The following FERMT1 variants were observed in gnomAD, a reference collection of about 807,000 sequenced individuals.
The protein encoded by FERMT1 is FERM domain containing kindlin 1, also known as fermitin family homolog 1.
In FERMT1, 60 loss-of-function variants were observed where a neutral mutation model predicts 85.3. The observed-to-expected ratio is 0.70, with a 90% CI of 0.57 to 0.87. FERMT1 has a LOEUF of 0.87. Among genes scored for constraint, FERMT1 ranks in the 40% least tolerant of loss-of-function variants. The pLI, the probability that FERMT1 is intolerant of heterozygous loss-of-function variation, is 0.00. For synonymous variants in FERMT1, 275 were observed against 301.1 expected (o/e 0.91, Z 0.90); for missense variants, 701 against 818.9 (o/e 0.86, Z 1.76).
chr20:6,106,363 A>G (rs1401743232), intron 6 of FERMT1, among the ~76,000 whole-genome samples: 1 of 152,212 alleles, frequency 6.6e-6, no homozygotes, highest in African/African-American at 2.4e-5. Context: ...ACCTAAAGTC[A>G]GGACCAAGAA....
chr20:6,093,682 C>T (rs754964133), intron 9 of FERMT1, among the ~76,000 whole-genome samples: 3 of 152,314 alleles, frequency 2.0e-5, no homozygotes, highest in South Asian at 2.1e-4. Context: ...CCTGACCGGG[C>T]GTGGTGGCTC....
intron 8 of FERMT1, 98 bp downstream of exon 8, chr20:6,096,804 A>AAAAAAAG: frequency 1.0e-6 from 1 of 1,002,478 alleles, no homozygotes; most frequent in Non-Finnish European, 1.4e-6. Flanking sequence ...TTTTTTTTCA[A>AAAAAAAG]AATCAGATGA....
chr20:6,097,668 A>G (rs1300859152), intron 6 of FERMT1, 37 bp from the exon 7 acceptor site: 5 of 1,318,170 alleles, frequency 3.8e-6, no homozygotes, highest in Non-Finnish European at 5.5e-6. Flanking sequence ...GTAATGAGGT[A>G]TATTTATATC....
intron 12 of FERMT1, among the ~76,000 whole-genome samples, 169 bp from the exon 13 acceptor site, chr20:6,084,333 C>T (rs973762042): frequency 2.0e-5 from 3 of 152,196 alleles, no homozygotes; most frequent in African/African-American, 4.8e-5. Flanking sequence ...CAAGATACAA[C>T]AATCACTGGA....
At chr20:6,089,119 A>C in intron 9 of FERMT1, 30 bp from the exon 10 acceptor site, 1 of 1,605,038 alleles carries the variant, frequency 6.2e-7, no homozygotes, top group Non-Finnish European at 8.5e-7. Context: ...GAATGTTTAA[A>C]CCACCACCCA....
chr20:6,084,192 T>C lies in FERMT1; in HGVS notation c.1594-28A>G, dbSNP rs2232077. 0.68 allele frequency: 1,088,834 copies of C among 1,596,182 alleles called. 374,388 individuals are homozygous for C. Among genetic ancestry groups the C allele is most frequent in the East Asian group, 0.85 (37,555 of 44,178 alleles). ...GAACAGAAACAGACATCAACCTCTC[T>C]TCACATGCACCGGCTGCTCTGTGAT... On this transcript the variant is annotated intron_variant, in intron 12 of 14. Coordinates refer to ENST00000217289, the MANE Select transcript of FERMT1 (RefSeq NM_017671.5).
At chr20:6,101,696 A>G (rs1982662604) in intron 6 of FERMT1, among the ~76,000 whole-genome samples, 1 of 152,196 alleles carries the variant, frequency 6.6e-6, no homozygotes, top group Non-Finnish European at 1.5e-5. Flanking sequence ...TCTGTTGCCC[A>G]GGCTGGAGTG....
intron 6 of FERMT1, among the ~76,000 whole-genome samples, chr20:6,106,577 G>A (rs1396989949): frequency 6.6e-6 from 1 of 152,136 alleles, no homozygotes; most frequent in South Asian, 2.1e-4. Flanking sequence ...GTCGACACTG[G>A]GCCATTGTAC....
At chr20:6,102,538 G>A (rs1261599590) in intron 6 of FERMT1, among the ~76,000 whole-genome samples, 6 of 151,522 alleles carry the variant, frequency 4.0e-5, no homozygotes, top group African/African-American at 9.7e-5. Context: ...TTAGCTGGGC[G>A]TGGTGGTGCA....
chr20:6,080,306 G>C (rs934695335), intron 13 of FERMT1, among the ~76,000 whole-genome samples: 2 of 152,162 alleles, frequency 1.3e-5, no homozygotes, highest in African/African-American at 4.8e-5. Flanking sequence ...AAATCCTTCA[G>C]ATTTTGTGTG....
chr20:6,079,623 T>C, intron 13 of FERMT1, 46 bp from the exon 14 acceptor site: 1 of 1,539,074 alleles, frequency 6.5e-7, no homozygotes, highest in South Asian at 1.1e-5. Context: ...CTGCTTCCTA[T>C]AATACAATGT....
intron 13 of FERMT1, 33 bp downstream of exon 13, chr20:6,084,007 A>G (rs375462501): frequency 1.2e-6 from 2 of 1,613,854 alleles, no homozygotes; most frequent in Non-Finnish European, 1.7e-6. Flanking sequence ...AATTGAATGG[A>G]AAGTGTGAGA....
In FERMT1 at chr20:6,075,139, CAA is replaced by C. The variant is rs1981780059; in HGVS notation, c.*2032_*2033del. Reference sequence around the variant, plus strand: ...CGCTCCCCTGAAAACTGTAACCAAACAAAGTTTGGTTAAAACAAAGTTGGTTC... The same window carrying C: ...CGCTCCCCTGAAAACTGTAACCAAACAGTTTGGTTAAAACAAAGTTGGTTC... On this transcript the variant is annotated 3_prime_UTR_variant, in exon 15 of 15. Coordinates refer to ENST00000217289, the MANE Select transcript of FERMT1 (RefSeq NM_017671.5). The C allele has an allele frequency of 6.8e-6, 1 of 147,894 alleles. No homozygotes were observed. The highest frequency in any genetic ancestry group is 2.0e-4 in the East Asian group (1 of 5,030). The allele number at this position is 147,894 out of a possible 1,614,324, so 9.2% of individuals were successfully genotyped here.
chr20:6,106,697 T>A (rs1458465525), intron 6 of FERMT1, among the ~76,000 whole-genome samples: 1 of 152,176 alleles, frequency 6.6e-6, no homozygotes, highest in Non-Finnish European at 1.5e-5. Context: ...CAGGGGGAGA[T>A]GTGCAGTGAA....
chr20:6,090,629 A>G (rs1434855545), intron 9 of FERMT1, among the ~76,000 whole-genome samples: 1 of 152,000 alleles, frequency 6.6e-6, no homozygotes. Flanking sequence ...TGGTGTGTCT[A>G]TAGTCCCAGC....
chr20:6,083,100 T>G (rs1440493620), intron 13 of FERMT1, among the ~76,000 whole-genome samples: 1 of 152,210 alleles, frequency 6.6e-6, no homozygotes, highest in Non-Finnish European at 1.5e-5. Flanking sequence ...AAAGTGACAG[T>G]ACTTGCTGTA....
intron 6 of FERMT1, among the ~76,000 whole-genome samples, chr20:6,103,706 A>G (rs895146996): frequency 4.0e-5 from 6 of 148,558 alleles, no homozygotes; most frequent in South Asian, 2.1e-4. Flanking sequence ...AGCTCTTTAC[A>G]TATTAGAGAA....
chr20:6,121,024 A>G (rs111822982), intron 1 of FERMT1, among the ~76,000 whole-genome samples: 2 of 152,380 alleles, frequency 1.3e-5, no homozygotes, highest in South Asian at 4.1e-4. Context: ...AATACGCTAC[A>G]CAGATAAATT....
chr20:6,107,301 C>T lies in FERMT1; in HGVS notation c.849+231G>A, dbSNP rs62200481. On this transcript the variant is annotated intron_variant, in intron 6 of 14. Coordinates refer to ENST00000217289, the MANE Select transcript of FERMT1 (RefSeq NM_017671.5). ...GGGGGGCAGTGCATGCCACGCTAGG[C>T]GCAAAGATCCTCAGAGACTCCGGCT... Among the ~76,000 whole-genome samples the T allele has an allele frequency of 0.093, 14,112 of 151,996 alleles. 700 individuals carry two copies. Among genetic ancestry groups the T allele is most frequent in the African/African-American group, 0.12 (4,910 of 41,458 alleles).
Sources: allele counts gnomAD v4.1 joint callset (sites outside exome capture counted in the v4.1 genomes callset), GRCh38; gene constraint gnomAD v4.1.1; transcripts MANE v1.5; gene names NCBI Gene and HGNC (gene_info 2026-07-23, HGNC 2026-07-21).